Variants in HNF4G observed in about 807,000 individuals in gnomAD.
The protein encoded by HNF4G is hepatocyte nuclear factor 4-gamma.
A neutral mutation model predicts 50.9 loss-of-function variants in HNF4G; 21 were observed. That is an observed-to-expected ratio of 0.41 (90% CI 0.29 to 0.59). The LOEUF (loss-of-function observed/expected upper bound fraction) is 0.59. Ranked by LOEUF, HNF4G falls within the 20% of genes least tolerant of loss-of-function variation. HNF4G has a pLI of 0.26. For synonymous variants in HNF4G, 198 were observed against 185.6 expected, an observed-to-expected ratio of 1.07 and a Z score of -0.54; for missense variants, 527 against 559.4, an observed-to-expected ratio of 0.94 and a Z score of 0.58.
chr8:75,502,891 A>T (rs1157048262), intron 2 of HNF4G, among the ~76,000 whole-genome samples: 3 of 152,222 alleles, frequency 2.0e-5, no homozygotes, highest in Non-Finnish European at 4.4e-5. Context: ...GTAGTCCAAT[A>T]TACGATGATA....
intron 1 of HNF4G, among the ~76,000 whole-genome samples, chr8:75,466,979 C>T (rs117215043): frequency 0.026 from 4,024 of 152,270 alleles, 70 homozygotes; most frequent in Non-Finnish European, 0.036. Flanking sequence ...GCCACTGCAC[C>T]TGGCCTGACC....
intron 7 of HNF4G, 41 bp downstream of exon 7, chr8:75,558,711 A>T (rs1211127197): frequency 6.3e-7 from 1 of 1,587,298 alleles, no homozygotes; most frequent in South Asian, 1.1e-5. Flanking sequence ...ATATAATAAA[A>T]ATTGAACTAC....
chr8:75,466,598 TTCC>T, intron 1 of HNF4G, among the ~76,000 whole-genome samples: 1 of 120,954 alleles, frequency 8.3e-6, no homozygotes, highest in Non-Finnish European at 1.8e-5. Context: ...CCTTCCTTCC[TTCC>T]TTCCTTCCTT....
chr8:75,422,596 C>G (rs1335147898), intron 1 of HNF4G, among the ~76,000 whole-genome samples: 4 of 151,336 alleles, frequency 2.6e-5, no homozygotes, highest in Non-Finnish European at 5.9e-5. Flanking sequence ...ATTAATCTTT[C>G]CTCCTCATGT....
At chr8:75,458,531 A>T (rs1338887656) in intron 1 of HNF4G, among the ~76,000 whole-genome samples, 1 of 152,128 alleles carries the variant, frequency 6.6e-6, no homozygotes, top group African/African-American at 2.4e-5. Flanking sequence ...CAACAATAAC[A>T]AATAAACAAA....
chr8:75,459,416 T>A (rs938600497), intron 1 of HNF4G, among the ~76,000 whole-genome samples: 11 of 152,178 alleles, frequency 7.2e-5, no homozygotes, highest in Non-Finnish European at 1.5e-4. Flanking sequence ...GATTTCTCTG[T>A]GCTATACAAA....
chr8:75,445,655 T>C (rs1811407282), intron 1 of HNF4G, among the ~76,000 whole-genome samples: 1 of 110,812 alleles, frequency 9.0e-6, no homozygotes, highest in Admixed American at 9.5e-5. Context: ...CAAACACCTC[T>C]ACGCAAATAA....
intron 2 of HNF4G, among the ~76,000 whole-genome samples, chr8:75,503,798 T>C (rs941209441): frequency 2.0e-5 from 3 of 152,200 alleles, no homozygotes; most frequent in African/African-American, 4.8e-5. Context: ...ATGTGTCATG[T>C]ATGAGAAAAT....
At chr8:75,515,840 A>C (rs910121251) in intron 2 of HNF4G, among the ~76,000 whole-genome samples, 2 of 150,016 alleles carry the variant, frequency 1.3e-5, no homozygotes. Context: ...ATCTCGGCTC[A>C]CCACAACCTC....
intron 1 of HNF4G, among the ~76,000 whole-genome samples, chr8:75,477,804 C>G (rs943163535): frequency 1.3e-5 from 2 of 151,844 alleles, no homozygotes; most frequent in Non-Finnish European, 1.5e-5. Context: ...CCCGTCTCTA[C>G]TAAAAATACA....
intron 6 of HNF4G, among the ~76,000 whole-genome samples, chr8:75,558,244 A>T (rs190804219): frequency 6.6e-6 from 1 of 152,206 alleles, no homozygotes; most frequent in Admixed American, 6.5e-5. Context: ...GATTTTGTCA[A>T]ATATCAGCAT....
At chr8:75,562,168 GTAA>G (rs1563556929) in intron 9 of HNF4G, among the ~76,000 whole-genome samples, 1 of 151,708 alleles carries the variant, frequency 6.6e-6, no homozygotes, top group Non-Finnish European at 1.5e-5. Context: ...TGTATGCAAT[GTAA>G]CAACAATTTA....
At chr8:75,451,971 C>T (rs1811596646) in intron 1 of HNF4G, among the ~76,000 whole-genome samples, 1 of 152,160 alleles carries the variant, frequency 6.6e-6, no homozygotes, top group Non-Finnish European at 1.5e-5. Flanking sequence ...GCCCAGGCAC[C>T]TAAGTAGCAA....
intron 1 of HNF4G, among the ~76,000 whole-genome samples, chr8:75,452,673 C>A (rs184569262): frequency 6.9e-6 from 1 of 145,194 alleles, no homozygotes; most frequent in Non-Finnish European, 1.5e-5. Flanking sequence ...GAGACGAGAT[C>A]GTGCCACTGC....
At chr8:75,420,773 A>G (rs1810757025) in intron 1 of HNF4G, among the ~76,000 whole-genome samples, 2 of 152,204 alleles carry the variant, frequency 1.3e-5, no homozygotes, top group Admixed American at 6.5e-5. Context: ...TTGAGTGGAT[A>G]TTGTCACAGA....
Position 75,540,069 on chromosome 8 carries a change from A to G in HNF4G, c.107A>G (p.Tyr36Cys). 2 of 1,553,288 alleles carry G rather than the reference A, an allele frequency of 1.3e-6. No homozygotes were observed. The highest frequency in any genetic ancestry group is 1.4e-5 in the African/African-American group (1 of 73,098). Residue 36 changes from tyrosine to cysteine, a missense_variant, in exon 1 of 10, where the codon TAT becomes TGT. Physicochemically the swap from Tyr to Cys is radical, Grantham distance 194. Coordinates refer to ENST00000396423, the MANE Select transcript of HNF4G (RefSeq NM_004133.5). ...TLEFETMQIL[Y>C]NSSDSSAPET... ...GAGTTTGAAACTATGCAGATTCTATATAATTCAAGTGGTGAGTTATCATCT... is the reference window on the plus strand; with the variant it reads ...GAGTTTGAAACTATGCAGATTCTATGTAATTCAAGTGGTGAGTTATCATCT...
At chr8:75,508,079 C>T (rs1401567927) in intron 2 of HNF4G, among the ~76,000 whole-genome samples, 2 of 150,846 alleles carry the variant, frequency 1.3e-5, no homozygotes, top group Non-Finnish European at 3.0e-5. Context: ...GGCTAAACAA[C>T]ATTATAAGAA....
chr8:75,413,209 T>C (rs1022646710), intron 1 of HNF4G, among the ~76,000 whole-genome samples: 5 of 148,862 alleles, frequency 3.4e-5, no homozygotes, highest in African/African-American at 1.2e-4. Context: ...TTTAAGCAGG[T>C]TGAGTTAAGA....
chr8:75,483,445 C>A (rs1206795526), intron 1 of HNF4G, among the ~76,000 whole-genome samples: 1 of 152,158 alleles, frequency 6.6e-6, no homozygotes, highest in Non-Finnish European at 1.5e-5. Context: ...GAACAGTCCA[C>A]CCATTCCACC....
Sources: gnomAD v4.1 joint callset for allele counts (sites outside exome capture counted in the v4.1 genomes callset) on GRCh38, gnomAD v4.1.1 for gene constraint, MANE v1.5 for transcripts, NCBI Gene and HGNC (gene_info 2026-07-23, HGNC 2026-07-21) for gene names.